The following USP20 variants were observed in gnomAD, a reference collection of about 807,000 sequenced individuals.
USP20 encodes ubiquitin specific peptidase 20, also known as ubiquitin carboxyl-terminal hydrolase 20.
In USP20, 80 loss-of-function variants were observed where a neutral mutation model predicts 124.2. That is an observed-to-expected ratio of 0.64 (90% CI 0.54 to 0.78). The LOEUF (loss-of-function observed/expected upper bound fraction) is 0.78, where lower values mean the gene tolerates loss of function less well. Ranked by LOEUF, USP20 falls within the 30% of genes least tolerant of loss-of-function variation. The pLI, the probability that USP20 is intolerant of heterozygous loss-of-function variation, is 0.00. For missense variants in USP20, 1,043 were observed against 1,244.4 expected (o/e 0.84, Z 2.44); for synonymous variants, 481 against 512.3 (o/e 0.94, Z 0.83).
intron 1 of USP20, among the ~76,000 whole-genome samples, chr9:129,846,552 A>G (rs1403973067): frequency 6.7e-6 from 1 of 149,258 alleles, no homozygotes; most frequent in African/African-American, 2.5e-5. Flanking sequence ...GCCGCCCAAC[A>G]TGGCCTAATA....
intron 5 of USP20, 127 bp downstream of exon 5, chr9:129,858,239 T>A (rs894501646): frequency 1.7e-6 from 2 of 1,187,858 alleles, no homozygotes; most frequent in Non-Finnish European, 2.4e-6. Flanking sequence ...GCATAGCTTC[T>A]GCAAAGAAGC....
chr9:129,861,092 G>A (rs868000106), intron 7 of USP20, 59 bp downstream of exon 7: 5 of 1,484,834 alleles, frequency 3.4e-6, no homozygotes, highest in Non-Finnish European at 4.7e-6. Context: ...TCATCTGGAG[G>A]CTGGAAACCG....
At chr9:129,871,150 G>C (rs1049680492) in intron 15 of USP20, among the ~76,000 whole-genome samples, 9 of 152,048 alleles carry the variant, frequency 5.9e-5, no homozygotes, top group African/African-American at 2.2e-4. Flanking sequence ...TTGCAAACCT[G>C]AAACTCAGTA....
At chr9:129,854,897 A>G (rs1284962562) in intron 3 of USP20, among the ~76,000 whole-genome samples, 1 of 152,194 alleles carries the variant, frequency 6.6e-6, no homozygotes, top group African/African-American at 2.4e-5. Context: ...GGGTGTAGTG[A>G]CAATGAGAAG....
At chr9:129,856,204 C>A in intron 3 of USP20, 103 bp from the exon 4 acceptor site, 1 of 1,134,236 alleles carries the variant, frequency 8.8e-7, no homozygotes, top group Non-Finnish European at 1.3e-6. Context: ...CTTCTGAGTG[C>A]ATGTCAGCCA....
chr9:129,875,531 C>T (rs990006182), intron 20 of USP20, 29 bp from the exon 21 acceptor site: 9 of 1,613,534 alleles, frequency 5.6e-6, no homozygotes, highest in Non-Finnish European at 7.6e-6. Flanking sequence ...GGCCGAGCCA[C>T]AGCTTCGCTC....
intron 2 of USP20, among the ~76,000 whole-genome samples, chr9:129,850,895 C>T (rs1455715742): frequency 6.6e-6 from 1 of 152,170 alleles, no homozygotes. Flanking sequence ...CTCAGGTGAT[C>T]TGCCCGCCTC....
intron 11 of USP20, 147 bp from the exon 12 acceptor site, chr9:129,868,710 GTGTGC>G (rs1451430430): frequency 1.2e-5 from 16 of 1,373,802 alleles, no homozygotes; most frequent in Non-Finnish European, 1.5e-5. Context: ...GCTCCGGCCT[GTGTGC>G]TGGGGCCAGG....
chr9:129,842,057 A>G (rs757335957), intron 1 of USP20, among the ~76,000 whole-genome samples: 2 of 152,194 alleles, frequency 1.3e-5, no homozygotes, highest in Admixed American at 6.5e-5. Context: ...TCAATAAAAA[A>G]TCTGAGCCAC....
intron 15 of USP20, among the ~76,000 whole-genome samples, chr9:129,873,183 G>A (rs1055623520): frequency 1.3e-4 from 19 of 146,858 alleles, no homozygotes; most frequent in East Asian, 4.1e-4. Flanking sequence ...CCCCAGGTTC[G>A]AGCGATTCTC....
At chr9:129,845,549 T>C (rs2032490313) in intron 1 of USP20, among the ~76,000 whole-genome samples, 1 of 152,090 alleles carries the variant, frequency 6.6e-6, no homozygotes, top group East Asian at 1.9e-4. Context: ...TGGTTTTGTT[T>C]TAGAGATGGG....
intron 25 of USP20, 49 bp from the exon 26 acceptor site, chr9:129,880,418 G>A: frequency 8.7e-7 from 1 of 1,153,956 alleles, no homozygotes; most frequent in Non-Finnish European, 1.2e-6. Context: ...GATGTGGGAG[G>A]GCCCTGGACA....
chr9:129,871,945 A>C (rs1588283304), intron 15 of USP20, among the ~76,000 whole-genome samples: 1 of 152,038 alleles, frequency 6.6e-6, no homozygotes, highest in South Asian at 2.1e-4. Context: ...TGAACTCCTG[A>C]CCTCAGGTGA....
chr9:129,877,871 C>T (rs1157880056), intron 22 of USP20, among the ~76,000 whole-genome samples: 2 of 152,086 alleles, frequency 1.3e-5, no homozygotes, highest in African/African-American at 4.8e-5. Context: ...GTCAGGAGTT[C>T]AAGACCAGCC....
intron 15 of USP20, among the ~76,000 whole-genome samples, chr9:129,871,055 C>G (rs2034099135): frequency 1.3e-5 from 2 of 151,936 alleles, no homozygotes; most frequent in Non-Finnish European, 2.9e-5. Flanking sequence ...CTGTTTTTAA[C>G]AGAAAGTGCA....
In USP20 at chr9:129,862,928, A is replaced by AATAATAAT. The variant is rs33925209; in HGVS notation, c.498-257_498-256insTAATAATA. 3.1e-3 allele frequency among the ~76,000 whole-genome samples: 454 copies of AATAATAAT among 147,068 alleles called. 4 individuals are homozygous for AATAATAAT. Among genetic ancestry groups the AATAATAAT allele is most frequent in the African/African-American group, 3.8e-3 (143 of 37,386 alleles). On this transcript the variant is annotated intron_variant, in intron 8 of 25. Coordinates refer to ENST00000372429, the MANE Select transcript of USP20 (RefSeq NM_001110303.4). ...TTCAAAATAATAATAATAATAATAA[A>AATAATAAT]AAAATAAGGTAAGATAGATAAGATG... is the stretch of plus-strand genomic sequence containing the variant.
intron 22 of USP20, among the ~76,000 whole-genome samples, chr9:129,877,949 G>A (rs1277318717): frequency 6.6e-6 from 1 of 152,012 alleles, no homozygotes; most frequent in African/African-American, 2.4e-5. Context: ...GCACACACCT[G>A]TAATCCCAGC....
intron 1 of USP20, among the ~76,000 whole-genome samples, chr9:129,847,897 ATTT>A (rs35466615): frequency 2.2e-5 from 3 of 133,822 alleles, no homozygotes; most frequent in Admixed American, 7.5e-5. Flanking sequence ...TTTGTATCTG[ATTT>A]TTTTTTTTTT....
chr9:129,853,392 G>T (rs1011559946), intron 3 of USP20, among the ~76,000 whole-genome samples: 5 of 152,130 alleles, frequency 3.3e-5, no homozygotes, highest in Admixed American at 6.5e-5. Flanking sequence ...TTCATCATGT[G>T]GCCACAGTGA....
Sources: gnomAD v4.1 joint callset for allele counts (sites outside exome capture counted in the v4.1 genomes callset) on GRCh38, gnomAD v4.1.1 for gene constraint, MANE v1.5 for transcripts, NCBI Gene and HGNC (gene_info 2026-07-23, HGNC 2026-07-21) for gene names.